The following OTOGL variants were observed in gnomAD, a reference collection of about 807,000 sequenced individuals.
OTOGL encodes otogelin-like protein.
OTOGL carries 285 observed loss-of-function variants against 318.5 expected under a neutral mutation model. The observed-to-expected ratio is 0.89, with a 90% CI of 0.81 to 0.99. The LOEUF (loss-of-function observed/expected upper bound fraction) is 0.99. Among genes scored for constraint, OTOGL ranks in the 50% least tolerant of loss-of-function variants. OTOGL has a pLI of 0.00. For synonymous variants in OTOGL, 987 were observed against 936.5 expected (o/e 1.05, Z -0.99); for missense variants, 2,899 against 2,845.6 (o/e 1.02, Z -0.43).
intron 1 of OTOGL, among the ~76,000 whole-genome samples, chr12:80,108,267 T>G (rs1412555296): frequency 8.5e-5 from 13 of 152,144 alleles, no homozygotes; most frequent in Admixed American, 8.5e-4. Flanking sequence ...TTATGTCATT[T>G]GAATTTTGCA....
intron 19 of OTOGL, among the ~76,000 whole-genome samples, chr12:80,263,501 C>T (rs1022947570): frequency 5.3e-5 from 8 of 152,012 alleles, no homozygotes; most frequent in East Asian, 3.9e-4. Context: ...TATACATACA[C>T]GAAATTGAAA....
intron 7 of OTOGL, among the ~76,000 whole-genome samples, chr12:80,226,323 TC>T (rs1221786647): frequency 6.6e-6 from 1 of 152,062 alleles, no homozygotes; most frequent in Non-Finnish European, 1.5e-5. Context: ...TTAGAGCTGA[TC>T]CCAATAGGTT....
intron 28 of OTOGL, among the ~76,000 whole-genome samples, chr12:80,304,923 A>G (rs1234491970): frequency 6.6e-6 from 1 of 152,218 alleles, no homozygotes; most frequent in Non-Finnish European, 1.5e-5. Flanking sequence ...GGCAAAGCAG[A>G]CAATAACCTT....
chr12:80,229,497 T>TTAAAGCTA, intron 8 of OTOGL, 119 bp downstream of exon 8: 1 of 1,318,758 alleles, frequency 7.6e-7, no homozygotes, highest in Non-Finnish European at 1.0e-6. Flanking sequence ...AACAATACTC[T>TTAAAGCTA]TAAAGCTATA....
chr12:80,212,363 C>A (rs897182429), intron 4 of OTOGL, among the ~76,000 whole-genome samples: 1 of 151,884 alleles, frequency 6.6e-6, no homozygotes, highest in Admixed American at 6.6e-5. Flanking sequence ...AAAAAGGGGC[C>A]GAAAAATGTG....
chr12:80,192,216 T>C (rs749883410), intron 1 of OTOGL, among the ~76,000 whole-genome samples: 1 of 152,230 alleles, frequency 6.6e-6, no homozygotes, highest in Non-Finnish European at 1.5e-5. Context: ...AGAGCAAAAC[T>C]TTCTGCTCAG....
chr12:80,104,273 A>C (rs1176314043), intron 1 of OTOGL, among the ~76,000 whole-genome samples: 2 of 152,184 alleles, frequency 1.3e-5, no homozygotes, highest in East Asian at 3.8e-4. Context: ...TCCCAATCTC[A>C]CATCTCTCCC....
chr12:80,307,150 A>G (rs1230230673), intron 29 of OTOGL, among the ~76,000 whole-genome samples: 1 of 151,178 alleles, frequency 6.6e-6, no homozygotes, highest in Admixed American at 6.6e-5. Context: ...ACAGGATCCC[A>G]AGGCAGAAGA....
chr12:80,358,579 G>T, intron 50 of OTOGL, 92 bp from the exon 51 acceptor site: 1 of 1,023,752 alleles, frequency 9.8e-7, no homozygotes. Context: ...ATGAATCCAT[G>T]CATTATTGTA....
intron 42 of OTOGL, among the ~76,000 whole-genome samples, chr12:80,337,391 G>A (rs1368966913): frequency 9.2e-5 from 14 of 152,020 alleles, no homozygotes; most frequent in African/African-American, 4.8e-5. Context: ...AATAAAGACC[G>A]TTAAGAGAAG....
intron 19 of OTOGL, among the ~76,000 whole-genome samples, chr12:80,263,532 C>G (rs1256240413): frequency 6.6e-6 from 1 of 151,954 alleles, no homozygotes; most frequent in Non-Finnish European, 1.5e-5. Context: ...GATATATAAA[C>G]TATTTATATT....
intron 4 of OTOGL, among the ~76,000 whole-genome samples, chr12:80,216,232 G>A (rs1337527856): frequency 1.3e-5 from 2 of 152,144 alleles, no homozygotes; most frequent in African/African-American, 4.8e-5. Flanking sequence ...AAAACTTCAC[G>A]TAAGGGAGAC....
intron 57 of OTOGL, among the ~76,000 whole-genome samples, chr12:80,376,415 G>A (rs192117140): frequency 1.6e-3 from 238 of 152,240 alleles, no homozygotes; most frequent in African/African-American, 5.6e-3. Flanking sequence ...CTTGGTTTTT[G>A]TATCTTGATT....
At chr12:80,304,822 A>G (rs1886003375) in intron 28 of OTOGL, among the ~76,000 whole-genome samples, 1 of 152,196 alleles carries the variant, frequency 6.6e-6, no homozygotes, top group Non-Finnish European at 1.5e-5. Context: ...ACTACTCCTT[A>G]AAACCTTGAA....
chr12:80,227,163 G>A (rs968484969), intron 7 of OTOGL, among the ~76,000 whole-genome samples: 2 of 151,424 alleles, frequency 1.3e-5, no homozygotes, highest in African/African-American at 2.4e-5. Context: ...TTCCTTTTTT[G>A]TTCTACATTT....
chr12:80,116,959 A>T (rs1471016135), intron 1 of OTOGL, among the ~76,000 whole-genome samples: 1 of 152,166 alleles, frequency 6.6e-6, no homozygotes, highest in Non-Finnish European at 1.5e-5. Context: ...ACTGTGAGCA[A>T]GTGAGGTGGG....
At chr12:80,245,988 C>T (rs2137464898) in intron 11 of OTOGL, among the ~76,000 whole-genome samples, 1 of 142,472 alleles carries the variant, frequency 7.0e-6, no homozygotes, top group Admixed American at 6.9e-5. Flanking sequence ...TATAAGAATG[C>T]TTGTGATTTT....
In OTOGL at chr12:80,262,093, A is replaced by G. The variant is rs1273978264; in HGVS notation, c.2014A>G (p.Ile672Val). The G allele has an allele frequency of 6.2e-7, 1 of 1,603,388 alleles. No homozygotes were observed. Among genetic ancestry groups the G allele is most frequent in the Non-Finnish European group, 8.5e-7 (1 of 1,174,146 alleles). Residue 672 changes from isoleucine (I) to valine (V), a missense_variant and splice_region_variant, in exon 19 of 59, where the codon ATT becomes GTT. By Grantham distance (29) the Ile-to-Val change is conservative (BLOSUM62 3). Transcript: ENST00000547103. ...CCCCTGTAACATCAATCAACAAAAC[A>G]GTAAGTTTTGCATGTAAACTTCCTT... ...VDPCNINQQNIGYAAHCDVIH... is the reference protein window; with the variant it reads ...VDPCNINQQNVGYAAHCDVIH...
intron 38 of OTOGL, 33 bp downstream of exon 38, chr12:80,333,111 C>G: frequency 6.6e-7 from 1 of 1,520,144 alleles, no homozygotes; most frequent in Non-Finnish European, 9.0e-7. Context: ...AGCTCTTTGT[C>G]ATTTCCATAT....
Sources: allele counts gnomAD v4.1 joint callset (sites outside exome capture counted in the v4.1 genomes callset), GRCh38; gene constraint gnomAD v4.1.1; transcripts MANE v1.5; gene names NCBI Gene and HGNC (gene_info 2026-07-23, HGNC 2026-07-21).